EPHB1: variants seen among roughly 807,000 people sequenced by gnomAD.
EPHB1 encodes EPH receptor B1.
EPHB1 carries 30 observed loss-of-function variants against 94.4 expected under a neutral mutation model. The ratio of observed to expected loss-of-function variants is 0.32; its 90% CI spans 0.24 to 0.43. The LOEUF is 0.43. Among genes scored for constraint, EPHB1 ranks in the 20% least tolerant of loss-of-function variants. The pLI, the probability that EPHB1 is intolerant of heterozygous loss-of-function variation, is 1.00. For synonymous variants in EPHB1, 522 were observed against 489.1 expected (o/e 1.07, Z -0.89); for missense variants, 1,055 against 1,308.3 (o/e 0.81, Z 2.99).
At chr3:134,964,623 G>C (rs558350991) in intron 3 of EPHB1, among the ~76,000 whole-genome samples, 3 of 152,142 alleles carry the variant, frequency 2.0e-5, no homozygotes, top group Non-Finnish European at 4.4e-5. Flanking sequence ...TTGGTTTCTG[G>C]GTCTGTCACA....
chr3:135,224,138 G>T (rs1943338069), intron 12 of EPHB1, among the ~76,000 whole-genome samples: 1 of 152,178 alleles, frequency 6.6e-6, no homozygotes, highest in South Asian at 2.1e-4. Context: ...TAGCCTAGGT[G>T]TGTAGTGAGC....
chr3:134,805,484 C>A (rs574493703), intron 1 of EPHB1, among the ~76,000 whole-genome samples: 6 of 152,182 alleles, frequency 3.9e-5, no homozygotes, highest in African/African-American at 1.4e-4. Flanking sequence ...GGCTCCCTAG[C>A]ACCTTCAGGG....
At chr3:135,032,390 C>G (rs1344100881) in intron 3 of EPHB1, among the ~76,000 whole-genome samples, 3 of 151,528 alleles carry the variant, frequency 2.0e-5, no homozygotes, top group Non-Finnish European at 4.4e-5. Context: ...ATTTTCATAG[C>G]ATCCTGTTTT....
At chr3:134,873,550 G>A (rs1250923048) in intron 1 of EPHB1, among the ~76,000 whole-genome samples, 2 of 152,288 alleles carry the variant, frequency 1.3e-5, no homozygotes, top group East Asian at 1.9e-4. Context: ...CTTGTTACAC[G>A]CTGTTGTTAA....
chr3:135,108,698 C>T (rs1939319655), intron 4 of EPHB1, among the ~76,000 whole-genome samples: 1 of 152,242 alleles, frequency 6.6e-6, no homozygotes, highest in African/African-American at 2.4e-5. Flanking sequence ...GGACGACTAG[C>T]TCCCTTCTTC....
chr3:134,882,591 T>C (rs370207532), intron 1 of EPHB1, among the ~76,000 whole-genome samples: 4 of 152,178 alleles, frequency 2.6e-5, no homozygotes, highest in African/African-American at 9.7e-5. Context: ...AACTTGTGGG[T>C]AGGGGGAGTC....
intron 1 of EPHB1, among the ~76,000 whole-genome samples, chr3:134,888,263 C>T (rs558512573): frequency 1.3e-5 from 2 of 152,276 alleles, no homozygotes; most frequent in African/African-American, 4.8e-5. Context: ...TTGAAACCCA[C>T]ACAGATCTCA....
intron 1 of EPHB1, among the ~76,000 whole-genome samples, chr3:134,819,321 C>T (rs76327340): frequency 3.3e-5 from 5 of 152,178 alleles, no homozygotes; most frequent in Middle Eastern, 3.4e-3. Context: ...GTGTCTTTCA[C>T]GGGGCCAGCA....
At chr3:134,960,807 T>C (rs1032511498) in intron 3 of EPHB1, among the ~76,000 whole-genome samples, 1 of 152,228 alleles carries the variant, frequency 6.6e-6, no homozygotes, top group Non-Finnish European at 1.5e-5. Flanking sequence ...AATCTTTTCA[T>C]TGAGGATAGG....
At chr3:135,161,316 G>C (rs1941499810) in intron 6 of EPHB1, among the ~76,000 whole-genome samples, 1 of 152,140 alleles carries the variant, frequency 6.6e-6, no homozygotes, top group Non-Finnish European at 1.5e-5. Flanking sequence ...TAGGTGGGGG[G>C]GATGAGGACA....
intron 15 of EPHB1, among the ~76,000 whole-genome samples, chr3:135,256,085 A>G (rs1449583291): frequency 2.0e-5 from 3 of 151,782 alleles, no homozygotes; most frequent in Non-Finnish European, 2.9e-5. Context: ...ATCTTCCTCC[A>G]TCCTTTTATT....
At chr3:135,173,372 T>C (rs566631269) in intron 9 of EPHB1, among the ~76,000 whole-genome samples, 1 of 152,328 alleles carries the variant, frequency 6.6e-6, no homozygotes, top group Non-Finnish European at 1.5e-5. Flanking sequence ...TATGGTCTAC[T>C]TTCCTTCTTT....
At chr3:134,887,154 G>C (rs975244561) in intron 1 of EPHB1, among the ~76,000 whole-genome samples, 18 of 152,084 alleles carry the variant, frequency 1.2e-4, no homozygotes, top group African/African-American at 4.3e-4. Flanking sequence ...GCTGCATTTA[G>C]TTGTAGGGTT....
chr3:135,224,802 G>C (rs1377745687), intron 12 of EPHB1, among the ~76,000 whole-genome samples: 4 of 152,180 alleles, frequency 2.6e-5, no homozygotes, highest in Non-Finnish European at 4.4e-5. Context: ...CCAGTCAAAT[G>C]TTCCTTTGTT....
At chr3:134,978,063 C>G (rs1051793274) in intron 3 of EPHB1, 4 of 437,786 alleles carry the variant, frequency 9.1e-6, no homozygotes, top group Non-Finnish European at 1.8e-5. Flanking sequence ...GCATCCACCC[C>G]CTCTGAGGAA....
At chr3:135,090,615 C>G (rs1010508845) in intron 3 of EPHB1, among the ~76,000 whole-genome samples, 1 of 152,196 alleles carries the variant, frequency 6.6e-6, no homozygotes, top group African/African-American at 2.4e-5. Flanking sequence ...GCCAGTTAGA[C>G]CTGACTGATT....
intron 1 of EPHB1, among the ~76,000 whole-genome samples, chr3:134,896,013 C>G (rs2038081174): frequency 6.6e-6 from 1 of 152,126 alleles, no homozygotes; most frequent in Non-Finnish European, 1.5e-5. Context: ...AGAATATTTC[C>G]TTTGACTCCC....
chr3:135,065,486 T>A (rs1937569604), intron 3 of EPHB1, among the ~76,000 whole-genome samples: 1 of 152,178 alleles, frequency 6.6e-6, no homozygotes, highest in Non-Finnish European at 1.5e-5. Flanking sequence ...AAGTTTGTTT[T>A]GTCTGATATA....
chr3:135,191,498 T>C (rs1008495628), intron 10 of EPHB1, among the ~76,000 whole-genome samples: 10 of 152,246 alleles, frequency 6.6e-5, no homozygotes, highest in African/African-American at 2.4e-4. Context: ...AGAGAAAGTT[T>C]TCTCAGCAGA....
Sources: gnomAD v4.1 joint callset for allele counts (sites outside exome capture counted in the v4.1 genomes callset) on GRCh38, gnomAD v4.1.1 for gene constraint, MANE v1.5 for transcripts, NCBI Gene and HGNC (gene_info 2026-07-23, HGNC 2026-07-21) for gene names.